MIGA1: variants seen among roughly 807,000 people sequenced by gnomAD.
MIGA1 encodes the protein family with sequence similarity 73, member A.
A neutral mutation model predicts 82.0 loss-of-function variants in MIGA1; 58 were observed. That is an observed-to-expected ratio of 0.71 (90% CI 0.57 to 0.88). MIGA1 has a LOEUF of 0.88. Ranked by LOEUF, MIGA1 falls within the 40% of genes least tolerant of loss-of-function variation. The pLI is 0.00. For missense variants in MIGA1, 751 were observed against 749.1 expected (o/e 1.00, Z -0.03); for synonymous variants, 249 against 253.6 (o/e 0.98, Z 0.17).
At chr1:77,870,615 G>T (rs1685933167) in intron 14 of MIGA1, among the ~76,000 whole-genome samples, 1 of 150,474 alleles carries the variant, frequency 6.6e-6, no homozygotes, top group African/African-American at 2.4e-5. Flanking sequence ...CAGCCAGGCA[G>T]AGAGGCTCCT....
chr1:77,832,332 G>C (rs1411388130), intron 7 of MIGA1, among the ~76,000 whole-genome samples: 1 of 152,170 alleles, frequency 6.6e-6, no homozygotes, highest in Non-Finnish European at 1.5e-5. Flanking sequence ...TAATTTCCTA[G>C]TATATGTCAA....
intron 7 of MIGA1, among the ~76,000 whole-genome samples, chr1:77,825,665 T>C (rs971164445): frequency 2.0e-5 from 3 of 152,260 alleles, no homozygotes; most frequent in African/African-American, 7.2e-5. Context: ...TTGTGCAAGT[T>C]CTTCTAGCTA....
At chr1:77,825,475 A>G (rs573692909) in intron 7 of MIGA1, among the ~76,000 whole-genome samples, 1 of 152,304 alleles carries the variant, frequency 6.6e-6, no homozygotes, top group South Asian at 2.1e-4. Context: ...TTTTATCTAC[A>G]TGTTGGATGC....
chr1:77,813,814 TG>T lies in MIGA1; in HGVS notation c.719del (p.Cys240LeufsTer17). 1 of 1,614,234 alleles carries T rather than the reference TG, an allele frequency of 6.2e-7. No homozygotes were observed. The highest frequency in any genetic ancestry group is 8.5e-7 in the Non-Finnish European group (1 of 1,180,030). On this transcript the variant is annotated frameshift_variant, in exon 6 of 16. Coordinates refer to ENST00000370791, the MANE Select transcript of MIGA1 (RefSeq NM_198549.4). LOFTEE classifies it high-confidence loss of function. Reference sequence around the variant, plus strand: ...CAATAGACAGGCTGAAGATGAAGCCTGTGGTTCCATTAAACTGGGTGCAGGA... The same window carrying T: ...CAATAGACAGGCTGAAGATGAAGCCTTGGTTCCATTAAACTGGGTGCAGGA...
At chr1:77,783,424 C>T in intron 2 of MIGA1, 73 bp downstream of exon 2, 1 of 879,956 alleles carries the variant, frequency 1.1e-6, no homozygotes, top group Non-Finnish European at 1.7e-6. Flanking sequence ...TACATTATTT[C>T]AGTTTTATTT....
intron 7 of MIGA1, among the ~76,000 whole-genome samples, chr1:77,819,332 G>A (rs1386104065): frequency 6.6e-6 from 1 of 152,030 alleles, no homozygotes; most frequent in Non-Finnish European, 1.5e-5. Context: ...CACCCAGGCT[G>A]GAGTGCAGTG....
Position 77,878,675 on chromosome 1 carries a change from G to C in MIGA1, c.*3611G>C. ...ATAAATTTTGAGGCAATTTACATTT[G>C]GTATTTCTTTTAATTTCATTTTTTG... is the stretch of plus-strand genomic sequence containing the variant. On this transcript the variant is annotated 3_prime_UTR_variant, in exon 16 of 16. Coordinates refer to ENST00000370791, the MANE Select transcript of MIGA1 (RefSeq NM_198549.4). 1 of 344,032 alleles carries C rather than the reference G, an allele frequency of 2.9e-6. No individual in the cohort carries two copies. Among genetic ancestry groups the C allele is most frequent in the African/African-American group, 2.1e-5 (1 of 47,658 alleles). The allele number at this position is 344,032 out of a possible 1,614,324, so 21.3% of individuals were successfully genotyped here. A position where few individuals can be genotyped will look rare whatever the true frequency, so the allele number is the denominator to read the frequency against.
chr1:77,837,901 C>G (rs1213248644), intron 7 of MIGA1, among the ~76,000 whole-genome samples: 1 of 152,202 alleles, frequency 6.6e-6, no homozygotes, highest in Non-Finnish European at 1.5e-5. Flanking sequence ...TTATATTTAA[C>G]ACTCATCAAG....
intron 2 of MIGA1, among the ~76,000 whole-genome samples, chr1:77,798,883 C>T (rs1682765648): frequency 6.6e-6 from 1 of 152,136 alleles, no homozygotes; most frequent in Non-Finnish European, 1.5e-5. Context: ...CCTACTACAC[C>T]TTCTATTCCT....
chr1:77,790,864 A>C (rs1036000589), intron 2 of MIGA1, among the ~76,000 whole-genome samples: 3 of 152,152 alleles, frequency 2.0e-5, no homozygotes, highest in Non-Finnish European at 4.4e-5. Flanking sequence ...CTGGGATTAC[A>C]GGTGTGAGCC....
chr1:77,847,184 C>G, intron 8 of MIGA1: 2 of 1,297,232 alleles, frequency 1.5e-6, no homozygotes, highest in Non-Finnish European at 2.2e-6. Flanking sequence ...TTGCAAAAAC[C>G]GTCAGTGTTT....
At chr1:77,866,276 A>C in intron 13 of MIGA1, 62 bp from the exon 14 acceptor site, 1 of 1,493,380 alleles carries the variant, frequency 6.7e-7, no homozygotes, top group Non-Finnish European at 9.3e-7. Flanking sequence ...TTGAATTTCT[A>C]ATAAAAATGG....
chr1:77,860,204 A>C (rs1367132876), intron 11 of MIGA1, 78 bp downstream of exon 11: 4 of 1,042,702 alleles, frequency 3.8e-6, no homozygotes, highest in Non-Finnish European at 5.6e-6. Flanking sequence ...TTAAGACATT[A>C]AATTTTTGAT....
rs1397414626 is a variant in MIGA1 at position 77,860,121 on chromosome 1, C to T, written c.1270C>T (p.Arg424Ter). ...TTTATCAGCTTTAATTGTGAAAGCA[C>T]GAAAGGTAAACTTGTTCTGTTGGCA... The change falls in exon 11 of 16, where the codon CGA becomes TGA. Residue 424 changes from arginine (R) to a stop codon, truncating the protein, a stop_gained. Transcript: ENST00000370791. LOFTEE classifies it high-confidence loss of function. 6 of 1,604,542 alleles carry T rather than the reference C, an allele frequency of 3.7e-6. No individual in the cohort carries two copies. The Admixed American group carries it at 5.0e-5, about 13-fold the overall frequency.
chr1:77,823,591 G>T (rs2101832571), intron 7 of MIGA1, among the ~76,000 whole-genome samples: 1 of 152,214 alleles, frequency 6.6e-6, no homozygotes, highest in South Asian at 2.1e-4. Context: ...TAGAGACAGG[G>T]TCTTGCTTTG....
Position 77,875,265 on chromosome 1 carries a change from G to T in MIGA1, c.*201G>T. 2.0e-6 allele frequency: 1 copy of T among 489,634 alleles called. No individual in the cohort carries two copies. The allele number at this position is 489,634 out of a possible 1,614,324, so 30.3% of individuals were successfully genotyped here. On this transcript the variant is annotated 3_prime_UTR_variant, in exon 16 of 16. Coordinates refer to ENST00000370791, the MANE Select transcript of MIGA1 (RefSeq NM_198549.4). ...ATTCCTGTGTAGTGTAGTCATAGTG[G>T]CTTTTTGCATTCATTAGGTAATAAT... is the stretch of plus-strand genomic sequence containing the variant.
intron 5 of MIGA1, among the ~76,000 whole-genome samples, chr1:77,809,754 G>GT (rs55741013): frequency 1.6e-3 from 218 of 136,130 alleles, no homozygotes; most frequent in African/African-American, 2.2e-3. Context: ...GTGCATAAAT[G>GT]TTTTTTTTTT....
intron 8 of MIGA1, among the ~76,000 whole-genome samples, chr1:77,855,803 A>G (rs1417634728): frequency 2.0e-5 from 3 of 151,882 alleles, no homozygotes; most frequent in African/African-American, 7.3e-5. Context: ...ACAACTTCTT[A>G]GGGTTTTCAA....
intron 7 of MIGA1, among the ~76,000 whole-genome samples, chr1:77,832,537 C>T (rs1684279215): frequency 6.6e-6 from 1 of 152,118 alleles, no homozygotes; most frequent in South Asian, 2.1e-4. Context: ...CTCATGGGAA[C>T]GTTTCACAGG....
Sources: allele counts gnomAD v4.1 joint callset (sites outside exome capture counted in the v4.1 genomes callset), GRCh38; gene constraint gnomAD v4.1.1; transcripts MANE v1.5; gene names NCBI Gene and HGNC (gene_info 2026-07-23, HGNC 2026-07-21).